Variants in LCOR observed in about 807,000 individuals in gnomAD.
The protein encoded by LCOR is ligand-dependent corepressor.
A neutral mutation model predicts 64.4 loss-of-function variants in LCOR; 14 were observed. That is an observed-to-expected ratio of 0.22 (90% CI 0.14 to 0.34). The LOEUF (loss-of-function observed/expected upper bound fraction) is 0.34, where lower values mean the gene tolerates loss of function less well. Among genes scored for constraint, LCOR ranks in the 10% least tolerant of loss-of-function variants. LCOR has a pLI of 1.00. For synonymous variants in LCOR, 643 were observed against 642.5 expected, an observed-to-expected ratio of 1.00 and a Z score of -0.01; for missense variants, 1,686 against 1,765.3, an observed-to-expected ratio of 0.96 and a Z score of 0.80.
At chr10:96,843,750 T>C (rs1845580519) in intron 2 of LCOR, among the ~76,000 whole-genome samples, 1 of 152,244 alleles carries the variant, frequency 6.6e-6, no homozygotes, top group Non-Finnish European at 1.5e-5. Flanking sequence ...ATATTTAGTA[T>C]TGAATCTTGG....
intron 4 of LCOR, among the ~76,000 whole-genome samples, chr10:96,913,960 G>A (rs546629505): frequency 2.4e-3 from 358 of 152,176 alleles, no homozygotes; most frequent in Admixed American, 2.4e-3. Context: ...ATATAAGTCT[G>A]GATGAGCAGA....
At chr10:96,868,135 C>T (rs1048850107) in intron 2 of LCOR, among the ~76,000 whole-genome samples, 8 of 152,102 alleles carry the variant, frequency 5.3e-5, no homozygotes, top group South Asian at 2.1e-4. Flanking sequence ...CCACCCGCCT[C>T]GGCCTCCCAA....
chr10:96,919,660 T>C (rs1847014170), intron 4 of LCOR, among the ~76,000 whole-genome samples: 1 of 152,148 alleles, frequency 6.6e-6, no homozygotes, highest in Admixed American at 6.5e-5. Flanking sequence ...ACTCTCCCAT[T>C]TCCTCCTCTC....
chr10:96,848,654 A>G (rs904524477), intron 2 of LCOR, among the ~76,000 whole-genome samples: 4 of 152,092 alleles, frequency 2.6e-5, no homozygotes, highest in African/African-American at 9.7e-5. Flanking sequence ...GTGAAACTCC[A>G]TCTCAAAAAC....
chr10:96,982,537 C>T lies in LCOR; in HGVS notation c.2077C>T (p.Pro693Ser), dbSNP rs750100651. 1.2e-6 allele frequency: 2 copies of T among 1,614,166 alleles called. No individual in the cohort carries two copies. Among genetic ancestry groups the T allele is most frequent in the East Asian group, 2.2e-5 (1 of 44,890 alleles). Residue 693 changes from proline (P) to serine (S), a missense_variant, in exon 8 of 8, where the codon CCT (proline) becomes TCT (serine). By Grantham distance (74) the Pro-to-Ser change is moderately conservative. Around this residue, in one of 3 missense-constraint regions of LCOR, gnomAD observed 1,293 missense variants for 1,410.4 expected, o/e 0.92. Coordinates refer to ENST00000421806, the MANE Select transcript of LCOR (RefSeq NM_001346516.2). ...TGTCATTTCTAGGCCTCATTCTCCT[C>T]CTGAAATAGTCAGTAGAGAAGAAAG... ...EDVISRPHSP[P>S]EIVSREESPQ...
chr10:96,956,774 A>G lies in LCOR; in HGVS notation c.332+4578A>G, dbSNP rs991732875. The G allele has an allele frequency of 5.1e-6, 5 of 985,710 alleles. No homozygotes were observed. In the African/African-American group the frequency reaches 8.7e-5, roughly 17 times the overall value. 61.1% of individuals were successfully genotyped at this position (985,710 alleles called of 1,614,324 possible). ...AGGAGCAGTCAGGGTACATTACATA[A>G]AACAATGGAGGATGCCTCATTTTAG... is the stretch of plus-strand genomic sequence containing the variant. On this transcript the variant is annotated intron_variant, in intron 7 of 7. Coordinates refer to ENST00000421806, the MANE Select transcript of LCOR (RefSeq NM_001346516.2).
chr10:96,893,943 A>G (rs138470837), intron 2 of LCOR, among the ~76,000 whole-genome samples: 6 of 152,298 alleles, frequency 3.9e-5, no homozygotes, highest in East Asian at 1.9e-4. Context: ...AGTTGGATAC[A>G]TAAAATGTGC....
At chr10:96,963,021 C>T (rs1308350736) in intron 7 of LCOR, 1 of 152,190 alleles carries the variant, frequency 6.6e-6, no homozygotes, top group Non-Finnish European at 1.5e-5. Flanking sequence ...TTTATTTCAA[C>T]GTGCTGGTAG....
intron 2 of LCOR, among the ~76,000 whole-genome samples, chr10:96,847,504 A>G (rs1845651325): frequency 6.6e-6 from 1 of 152,088 alleles, no homozygotes; most frequent in Non-Finnish European, 1.5e-5. Flanking sequence ...GTGCAATGGC[A>G]CGATCTCGGC....
intron 4 of LCOR, among the ~76,000 whole-genome samples, chr10:96,922,331 C>T (rs1461206375): frequency 6.6e-6 from 1 of 151,852 alleles, no homozygotes; most frequent in African/African-American, 2.4e-5. Flanking sequence ...AAGTTTTGGC[C>T]ACAGATATTA....
At chr10:96,897,860 A>C (rs891664614) in intron 2 of LCOR, among the ~76,000 whole-genome samples, 10 of 148,628 alleles carry the variant, frequency 6.7e-5, no homozygotes, top group Non-Finnish European at 1.3e-4. Flanking sequence ...TGGAGCAGAA[A>C]GCCATCTTTT....
intron 7 of LCOR, chr10:96,955,663 A>G: frequency 6.2e-7 from 1 of 1,614,224 alleles, no homozygotes; most frequent in Non-Finnish European, 8.5e-7. Context: ...CGTTACAGAC[A>G]GTACAACAGT....
At chr10:96,953,799 AGT>A (rs943412456) in intron 7 of LCOR, among the ~76,000 whole-genome samples, 10 of 152,220 alleles carry the variant, frequency 6.6e-5, no homozygotes, top group African/African-American at 2.4e-4. Context: ...TTGAATATTC[AGT>A]GTTATCCTTA....
At chr10:96,925,699 C>T (rs1445752664) in intron 4 of LCOR, among the ~76,000 whole-genome samples, 2 of 151,774 alleles carry the variant, frequency 1.3e-5, no homozygotes, top group African/African-American at 4.8e-5. Context: ...TACTATTTTC[C>T]CCTTTATAAT....
intron 4 of LCOR, among the ~76,000 whole-genome samples, chr10:96,915,048 A>G (rs1041552596): frequency 2.6e-5 from 4 of 152,208 alleles, no homozygotes; most frequent in African/African-American, 9.7e-5. Context: ...GCCCACGTGT[A>G]TCAAAGTCAG....
chr10:96,903,375 A>C (rs1846675157), intron 2 of LCOR, among the ~76,000 whole-genome samples: 1 of 152,200 alleles, frequency 6.6e-6, no homozygotes, highest in East Asian at 1.9e-4. Context: ...TGGTATATGC[A>C]GTCCATCCTT....
chr10:96,956,637 GA>G, intron 7 of LCOR: 1 of 985,818 alleles, frequency 1.0e-6, no homozygotes, highest in East Asian at 1.1e-4. Flanking sequence ...TAATTACTTT[GA>G]ACACTACCTT....
At chr10:96,959,820 G>C (rs530586376) in intron 7 of LCOR, 1 of 152,292 alleles carries the variant, frequency 6.6e-6, no homozygotes, top group African/African-American at 2.4e-5. Flanking sequence ...GGCTTTGTGT[G>C]ATAATAGGGG....
intron 4 of LCOR, among the ~76,000 whole-genome samples, chr10:96,932,655 G>A (rs1847282443): frequency 6.6e-6 from 1 of 151,900 alleles, no homozygotes; most frequent in Non-Finnish European, 1.5e-5. Context: ...GTAGAGATGG[G>A]GTTTCACCAT....
Sources: gnomAD v4.1 joint callset for allele counts (sites outside exome capture counted in the v4.1 genomes callset) on GRCh38, gnomAD v4.1.1 for gene constraint, gnomAD v4.1.1 regional missense constraint, MANE v1.5 for transcripts, NCBI Gene and HGNC (gene_info 2026-07-23, HGNC 2026-07-21) for gene names.